The following CNTN4 variants were observed in gnomAD, a reference collection of about 807,000 sequenced individuals.
The protein encoded by CNTN4 is contactin 4.
CNTN4 carries 77 observed loss-of-function variants against 122.5 expected under a neutral mutation model. That is an observed-to-expected ratio of 0.63 (90% CI 0.52 to 0.76). The LOEUF is 0.76. CNTN4 is among the 30% of genes least tolerant of loss of function. The pLI is 0.00. For missense variants in CNTN4, 1,256 were observed against 1,259.1 expected, an observed-to-expected ratio of 1.00 and a Z score of 0.04; for synonymous variants, 512 against 447.0, an observed-to-expected ratio of 1.15 and a Z score of -1.83.
rs530379096 is a variant in CNTN4, at chr3:2,674,777, A to C, written c.56-61438A>C. 2.6e-4 allele frequency among the ~76,000 whole-genome samples: 34 copies of C among 130,420 alleles called. No individual in the cohort carries two copies. In the South Asian group the frequency reaches 6.6e-3, roughly 25 times the overall value. 85.6% of individuals were successfully genotyped at this position (130,420 alleles called of 152,430 possible). A position where few individuals can be genotyped will look rare whatever the true frequency, so the allele number is the denominator to read the frequency against. On this transcript the variant is annotated intron_variant, in intron 4 of 24. Transcript: ENST00000418658. Reference sequence around the variant, plus strand: ...CGTCTCAAAAAACAAACAAACAAAAAAACAAAAAAAAAAAAAACCATTAAC... The same window carrying C: ...CGTCTCAAAAAACAAACAAACAAAACAACAAAAAAAAAAAAAACCATTAAC...
intron 2 of CNTN4, among the ~76,000 whole-genome samples, chr3:2,160,032 C>T (rs977655702): frequency 6.6e-6 from 1 of 151,984 alleles, no homozygotes; most frequent in Non-Finnish European, 1.5e-5. Context: ...TTTCTTATGC[C>T]TGTATTAATA....
chr3:2,882,918 T>A (rs2093928947), intron 8 of CNTN4: 1 of 468,084 alleles, frequency 2.1e-6, no homozygotes, highest in Non-Finnish European at 3.9e-6. Context: ...GCATGGAGAA[T>A]TTAATCCAGG....
Position 2,221,638 on chromosome 3 carries a change from A to G in CNTN4, c.-144-117540A>G, listed in dbSNP as rs115030365. Among the ~76,000 whole-genome samples, 242 of 152,218 alleles carry G rather than the reference A, an allele frequency of 1.6e-3. 1 individual carries two copies. The highest frequency in any genetic ancestry group is 5.7e-3 in the African/African-American group (235 of 41,572). On this transcript the variant is annotated intron_variant, in intron 2 of 24. Transcript: ENST00000418658. ...AAGGAGGTGGAGAAAATACTTTTACATATATATCTGATATGGGACTTATAA... is the reference window on the plus strand; with the variant it reads ...AAGGAGGTGGAGAAAATACTTTTACGTATATATCTGATATGGGACTTATAA...
intron 4 of CNTN4, among the ~76,000 whole-genome samples, chr3:2,678,866 T>G (rs143442894): frequency 1.8e-3 from 271 of 152,224 alleles, no homozygotes; most frequent in African/African-American, 6.4e-3. Flanking sequence ...AGTCAACAGA[T>G]GAGGTAACTC....
chr3:2,649,220 T>C (rs1178391973), intron 4 of CNTN4, among the ~76,000 whole-genome samples: 1 of 152,220 alleles, frequency 6.6e-6, no homozygotes, highest in African/African-American at 2.4e-5. Context: ...TAAAGGTGGC[T>C]ACCCTAAAAA....
chr3:2,387,374 A>G (rs942238797), intron 3 of CNTN4, among the ~76,000 whole-genome samples: 6 of 148,146 alleles, frequency 4.1e-5, no homozygotes, highest in African/African-American at 9.7e-5. Flanking sequence ...AAGAGTAAAA[A>G]GAACATTTAA....
At chr3:2,325,371 A>G (rs1325231920) in intron 2 of CNTN4, among the ~76,000 whole-genome samples, 1 of 152,228 alleles carries the variant, frequency 6.6e-6, no homozygotes, top group East Asian at 1.9e-4. Flanking sequence ...ATGAATTGAA[A>G]AGTATTTTAG....
chr3:2,148,748 T>C (rs2035363505), intron 2 of CNTN4, among the ~76,000 whole-genome samples: 1 of 152,148 alleles, frequency 6.6e-6, no homozygotes, highest in Non-Finnish European at 1.5e-5. Flanking sequence ...TCCTTCCATG[T>C]AACTAGATGC....
At chr3:2,571,046 G>T (rs1336334980) in intron 3 of CNTN4, among the ~76,000 whole-genome samples, 8 of 125,428 alleles carry the variant, frequency 6.4e-5, no homozygotes, top group African/African-American at 2.0e-4. Flanking sequence ...TTCTGTGGCA[G>T]TTCTGTATTT....
At chr3:2,881,234 G>A (rs2093905910) in intron 8 of CNTN4, among the ~76,000 whole-genome samples, 1 of 152,100 alleles carries the variant, frequency 6.6e-6, no homozygotes, top group Non-Finnish European at 1.5e-5. Context: ...TCACCTCGGT[G>A]GGGTGCGGTG....
chr3:2,505,437 T>C (rs2076707459), intron 3 of CNTN4, among the ~76,000 whole-genome samples: 1 of 152,224 alleles, frequency 6.6e-6, no homozygotes, highest in Admixed American at 6.5e-5. Flanking sequence ...AAATGGAATG[T>C]TCTATAGTCC....
At chr3:2,262,396 A>C (rs889749980) in intron 2 of CNTN4, 6 of 152,148 alleles carry the variant, frequency 3.9e-5, no homozygotes, top group African/African-American at 7.2e-5. Flanking sequence ...CTGTTTCGCA[A>C]CTTTACTTAA....
intron 2 of CNTN4, among the ~76,000 whole-genome samples, chr3:2,299,439 C>T (rs1156757363): frequency 2.0e-5 from 3 of 151,908 alleles, no homozygotes; most frequent in African/African-American, 7.3e-5. Context: ...TACGTTGTAC[C>T]TAATATGTAA....
In CNTN4 at chr3:2,307,989, A is replaced by G. The variant is rs575058991; in HGVS notation, c.-144-31189A>G. Among the ~76,000 whole-genome samples, 74 of 152,290 alleles carry G rather than the reference A, an allele frequency of 4.9e-4. 1 individual carries two copies. The highest frequency in any genetic ancestry group is 6.8e-3 in the Middle Eastern group (2 of 294). On this transcript the variant is annotated intron_variant, in intron 2 of 24. Coordinates refer to ENST00000418658, the MANE Select transcript of CNTN4 (RefSeq NM_175607.3). ...GTCTTCTAGTTTTTGAAGAATTTCA[A>G]TAAACATTTTGTGGAATGTACCGGT...
intron 12 of CNTN4, among the ~76,000 whole-genome samples, chr3:2,921,907 A>C (rs914308330): frequency 7.2e-5 from 11 of 152,166 alleles, no homozygotes; most frequent in Non-Finnish European, 1.5e-4. Context: ...AAAAACAAAT[A>C]GTTGTGAATT....
At chr3:2,825,880 C>G (rs1275748977) in intron 7 of CNTN4, among the ~76,000 whole-genome samples, 2 of 152,048 alleles carry the variant, frequency 1.3e-5, no homozygotes, top group East Asian at 3.9e-4. Context: ...TTAGATTTTT[C>G]TTTTACACAG....
At chr3:2,551,254 A>G (rs2078492370) in intron 3 of CNTN4, among the ~76,000 whole-genome samples, 1 of 152,126 alleles carries the variant, frequency 6.6e-6, no homozygotes, top group South Asian at 2.1e-4. Context: ...GAGAAATGGT[A>G]TGGTTTTTTT....
intron 3 of CNTN4, among the ~76,000 whole-genome samples, chr3:2,386,573 A>T (rs1464538386): frequency 1.3e-5 from 2 of 152,148 alleles, no homozygotes; most frequent in Non-Finnish European, 2.9e-5. Flanking sequence ...ATTTTTGGAG[A>T]CGTTTATGTA....
intron 2 of CNTN4, among the ~76,000 whole-genome samples, chr3:2,200,508 C>T (rs2038047580): frequency 6.6e-6 from 1 of 152,056 alleles, no homozygotes; most frequent in Admixed American, 6.6e-5. Context: ...GTAAGTACAA[C>T]CCAGGGTCCA....
Sources: gnomAD v4.1 joint callset for allele counts (sites outside exome capture counted in the v4.1 genomes callset) on GRCh38, gnomAD v4.1.1 for gene constraint, MANE v1.5 for transcripts, NCBI Gene and HGNC (gene_info 2026-07-23, HGNC 2026-07-21) for gene names.